SMYD3: variants seen among roughly 807,000 people sequenced by gnomAD.
The protein encoded by SMYD3 is histone-lysine N-methyltransferase SMYD3.
A neutral mutation model predicts 57.7 loss-of-function variants in SMYD3; 36 were observed. That is an observed-to-expected ratio of 0.62 (90% confidence interval 0.48 to 0.82). SMYD3 has a LOEUF of 0.82. Ranked by LOEUF, SMYD3 falls within the 40% of genes least tolerant of loss-of-function variation. SMYD3 has a pLI of 0.00. For synonymous variants in SMYD3, 211 were observed against 195.0 expected, an observed-to-expected ratio of 1.08 and a Z score of -0.68; for missense variants, 515 against 538.8, an observed-to-expected ratio of 0.96 and a Z score of 0.44.
intron 8 of SMYD3, 69 bp downstream of exon 8, chr1:245,915,461 G>T: frequency 1.0e-6 from 1 of 988,696 alleles, no homozygotes; most frequent in Non-Finnish European, 1.6e-6. Context: ...ATGAAATCTA[G>T]GCAGAGTTCT....
rs1443295228 is a variant in SMYD3 at position 246,234,294 on chromosome 1, C to G, written c.531+92907G>C. On this transcript the variant is annotated intron_variant, in intron 5 of 11. Transcript: ENST00000490107. Reference sequence around the variant, plus strand: ...CTCAATTCACACTGTGATGAACATACACCAGAGGAGAAGTGCTCCTTCCAC... The same window carrying G: ...CTCAATTCACACTGTGATGAACATAGACCAGAGGAGAAGTGCTCCTTCCAC... 2.0e-5 allele frequency among the ~76,000 whole-genome samples: 3 copies of G among 148,228 alleles called. No individual in the cohort carries two copies. In the East Asian group the frequency reaches 6.3e-4, roughly 31 times the overall value.
At chr1:246,320,742 C>T in intron 5 of SMYD3, among the ~76,000 whole-genome samples, 1 of 152,012 alleles carries the variant, frequency 6.6e-6, no homozygotes, top group Non-Finnish European at 1.5e-5. Context: ...CTAAAGAAAT[C>T]TTTTATGTGC....
intron 1 of SMYD3, among the ~76,000 whole-genome samples, chr1:246,451,939 C>T (rs1391913027): frequency 4.6e-5 from 7 of 152,102 alleles, no homozygotes; most frequent in Admixed American, 1.3e-4. Flanking sequence ...GTTATTTCCT[C>T]ACCTCCGTAG....
chr1:246,435,820 G>GAATTCCAAGAATTCCAAGGA (rs1422428575), intron 1 of SMYD3, among the ~76,000 whole-genome samples: 215 of 151,872 alleles, frequency 1.4e-3, no homozygotes, highest in East Asian at 9.7e-3. Context: ...GAAGATACAA[G>GAATTCCAAGAATTCCAAGGA]GAAACTGGAC....
rs536950126 is a variant in SMYD3, at chr1:245,843,540, A to G, written c.1076+14956T>C. 2.1e-3 allele frequency among the ~76,000 whole-genome samples: 311 copies of G among 149,634 alleles called. 2 individuals carry two copies. Among genetic ancestry groups the G allele is most frequent in the African/African-American group, 7.3e-3 (296 of 40,814 alleles). ...CATATACATGAATGTGTATATATATATGTGTGTGTGTGTGTGTGTGTGTGT... is the reference window on the plus strand; with the variant it reads ...CATATACATGAATGTGTATATATATGTGTGTGTGTGTGTGTGTGTGTGTGT... On this transcript the variant is annotated intron_variant, in intron 10 of 11. Transcript: ENST00000490107.
At chr1:246,340,135 T>C (rs188791056) in intron 2 of SMYD3, among the ~76,000 whole-genome samples, 89 of 152,264 alleles carry the variant, frequency 5.8e-4, no homozygotes, top group African/African-American at 1.9e-3. Flanking sequence ...ATAATTATCA[T>C]TGAACTATTG....
chr1:246,174,117 T>C (rs1013096674), intron 5 of SMYD3, among the ~76,000 whole-genome samples: 14 of 151,994 alleles, frequency 9.2e-5, no homozygotes, highest in African/African-American at 3.1e-4. Context: ...GCCAACTTTA[T>C]TTTTTTTAAT....
At chr1:245,861,334 G>C (rs1456109029) in intron 9 of SMYD3, among the ~76,000 whole-genome samples, 1 of 152,210 alleles carries the variant, frequency 6.6e-6, no homozygotes, top group Non-Finnish European at 1.5e-5. Context: ...CAGATTCCTA[G>C]TGGACAGAAC....
intron 5 of SMYD3, among the ~76,000 whole-genome samples, chr1:246,207,239 G>A (rs1419699884): frequency 1.3e-5 from 2 of 151,882 alleles, no homozygotes; most frequent in African/African-American, 2.4e-5. Context: ...TTGTGTGTAG[G>A]TCATTCATAT....
At chr1:246,381,703 G>A (rs930078820) in intron 1 of SMYD3, among the ~76,000 whole-genome samples, 4 of 152,186 alleles carry the variant, frequency 2.6e-5, no homozygotes, top group Non-Finnish European at 5.9e-5. Context: ...AGAAACAAAT[G>A]TGTTTACATA....
rs573588973 is a variant in SMYD3 at position 245,749,908 on chromosome 1, C to T, written c.1186-244G>A. On this transcript the variant is annotated intron_variant, in intron 11 of 11. Transcript: ENST00000490107. The stretch of plus-strand genomic sequence containing the variant: ...AGTCATGCTGGGGCCCAGTGACAAT[C>T]GATGATCTTCAAAGACTGTCAGTGC... Among the ~76,000 whole-genome samples the T allele has an allele frequency of 3.9e-4, 60 of 152,106 alleles. 1 individual carries two copies. Among genetic ancestry groups the T allele is most frequent in the Admixed American group, 2.2e-3 (34 of 15,268 alleles).
intron 8 of SMYD3, among the ~76,000 whole-genome samples, chr1:245,913,011 G>A (rs1467903441): frequency 1.3e-5 from 2 of 152,028 alleles, no homozygotes; most frequent in African/African-American, 4.8e-5. Flanking sequence ...CCCATTACTG[G>A]GTATATACCC....
In SMYD3 at chr1:246,443,325, C is replaced by T. The variant is rs928935844; in HGVS notation, c.164+63729G>A. Among the ~76,000 whole-genome samples the T allele has an allele frequency of 8.5e-5, 13 of 152,164 alleles. No individual in the cohort carries two copies. In the East Asian group the frequency reaches 2.5e-3, roughly 29 times the overall value. ...CCAACTTACCTAATGGAATTTGATACATGGTTGGACATTACTATAAATTAG... is the reference window on the plus strand; with the variant it reads ...CCAACTTACCTAATGGAATTTGATATATGGTTGGACATTACTATAAATTAG... On this transcript the variant is annotated intron_variant, in intron 1 of 11. Coordinates refer to ENST00000490107, the MANE Select transcript of SMYD3 (RefSeq NM_001167740.2).
intron 4 of SMYD3, among the ~76,000 whole-genome samples, chr1:246,327,860 A>G (rs2065381123): frequency 6.6e-6 from 1 of 152,230 alleles, no homozygotes; most frequent in Non-Finnish European, 1.5e-5. Context: ...ACAGGGATCA[A>G]GCACAGCAAT....
At chr1:245,945,326 G>A (rs942702979) in intron 5 of SMYD3, among the ~76,000 whole-genome samples, 3 of 152,064 alleles carry the variant, frequency 2.0e-5, no homozygotes, top group Non-Finnish European at 4.4e-5. Flanking sequence ...CAAAGGACAT[G>A]AACAGACACT....
intron 2 of SMYD3, among the ~76,000 whole-genome samples, chr1:246,343,636 CAA>C: frequency 6.6e-6 from 1 of 152,244 alleles, no homozygotes; most frequent in East Asian, 1.9e-4. Flanking sequence ...GTCTGTATGC[CAA>C]AGAGTCTCAA....
chr1:246,369,912 T>A (rs531137673), intron 1 of SMYD3, among the ~76,000 whole-genome samples: 1 of 150,064 alleles, frequency 6.7e-6, no homozygotes, highest in African/African-American at 2.4e-5. Context: ...AAAAAAAAAA[T>A]GTAATGGTTA....
At chr1:246,229,856 T>C (rs2063385252) in intron 5 of SMYD3, among the ~76,000 whole-genome samples, 1 of 151,012 alleles carries the variant, frequency 6.6e-6, no homozygotes, top group Admixed American at 6.6e-5. Flanking sequence ...TCATAGCACG[T>C]GCCTTTCAAG....
intron 5 of SMYD3, among the ~76,000 whole-genome samples, chr1:246,169,768 G>T (rs931060619): frequency 6.6e-6 from 1 of 152,072 alleles, no homozygotes; most frequent in African/African-American, 2.4e-5. Flanking sequence ...GCAGGGCATT[G>T]TGGCACAAGC....
Sources: allele counts gnomAD v4.1 joint callset (sites outside exome capture counted in the v4.1 genomes callset), GRCh38; gene constraint gnomAD v4.1.1; transcripts MANE v1.5; gene names NCBI Gene and HGNC (gene_info 2026-07-23, HGNC 2026-07-21).